The following NUF2 variants were observed in gnomAD, a reference collection of about 807,000 sequenced individuals.
NUF2 encodes the protein kinetochore protein Nuf2.
NUF2 carries 34 observed loss-of-function variants against 61.8 expected under a neutral mutation model. That is an observed-to-expected ratio of 0.55 (90% CI 0.42 to 0.73). The LOEUF (loss-of-function observed/expected upper bound fraction) is 0.73, where lower values mean the gene tolerates loss of function less well. Among genes scored for constraint, NUF2 ranks in the 30% least tolerant of loss-of-function variants. The pLI is 0.00. For missense variants in NUF2, 445 were observed against 539.1 expected, an observed-to-expected ratio of 0.83 and a Z score of 1.73; for synonymous variants, 172 against 181.6, an observed-to-expected ratio of 0.95 and a Z score of 0.42.
intron 11 of NUF2, 47 bp downstream of exon 11, chr1:163,345,865 C>CTATA (rs767691456): frequency 7.6e-7 from 1 of 1,307,524 alleles, no homozygotes; most frequent in Admixed American, 2.4e-5. Context: ...TAACAGCTTA[C>CTATA]TATAGTTCCT....
intron 5 of NUF2, among the ~76,000 whole-genome samples, chr1:163,331,886 C>T (rs773588207): frequency 7.3e-5 from 11 of 151,668 alleles, no homozygotes; most frequent in Non-Finnish European, 1.5e-4. Context: ...TTTTCCTAAC[C>T]AGTCTGGTTA....
chr1:163,350,364 T>C (rs1301481172), intron 13 of NUF2, among the ~76,000 whole-genome samples: 1 of 151,898 alleles, frequency 6.6e-6, no homozygotes, highest in Non-Finnish European at 1.5e-5. Context: ...ATCAAATCAA[T>C]AAATATTTAT....
At chr1:163,332,359 C>G (rs896262979) in intron 5 of NUF2, among the ~76,000 whole-genome samples, 3 of 152,004 alleles carry the variant, frequency 2.0e-5, no homozygotes, top group African/African-American at 7.2e-5. Flanking sequence ...TCATTTGAAT[C>G]CATTTAAATG....
At chr1:163,330,576 C>T (rs1046926029) in intron 5 of NUF2, among the ~76,000 whole-genome samples, 3 of 151,920 alleles carry the variant, frequency 2.0e-5, no homozygotes, top group Non-Finnish European at 4.4e-5. Context: ...TTAGTATTTC[C>T]AGCTTGTCAC....
At chr1:163,350,522 T>C (rs1262368168) in intron 13 of NUF2, among the ~76,000 whole-genome samples, 1 of 152,218 alleles carries the variant, frequency 6.6e-6, no homozygotes, top group Non-Finnish European at 1.5e-5. Flanking sequence ...TATGCATATA[T>C]GTCTTGCCAG....
At chr1:163,335,799 A>G (rs554748640) in intron 5 of NUF2, among the ~76,000 whole-genome samples, 1 of 151,894 alleles carries the variant, frequency 6.6e-6, no homozygotes, top group East Asian at 1.9e-4. Flanking sequence ...TTCTCTCTGG[A>G]CTTTATTTTA....
intron 4 of NUF2, 157 bp from the exon 5 acceptor site, chr1:163,328,689 A>G (rs968544423): frequency 1.1e-5 from 6 of 565,618 alleles, no homozygotes; most frequent in Admixed American, 3.4e-5. Flanking sequence ...TTTCAGTGCT[A>G]TAGGGTTATA....
At chr1:163,347,729 T>A (rs766230300) in intron 11 of NUF2, 34 bp from the exon 12 acceptor site, 5 of 1,299,332 alleles carry the variant, frequency 3.8e-6, no homozygotes, top group Admixed American at 2.7e-5. Context: ...CCTAATTGGT[T>A]ATGTTGACTT....
chr1:163,337,397 A>G (rs1020022003), intron 6 of NUF2, among the ~76,000 whole-genome samples: 1 of 152,058 alleles, frequency 6.6e-6, no homozygotes, highest in African/African-American at 2.4e-5. Flanking sequence ...GTCTTCAATA[A>G]TGGGGTACCA....
intron 9 of NUF2, among the ~76,000 whole-genome samples, chr1:163,343,167 G>C (rs12759542): frequency 0.13 from 19,969 of 152,170 alleles, 1,627 homozygotes; most frequent in Non-Finnish European, 0.17. Flanking sequence ...CATGTAGTGA[G>C]CACCTTCTCA....
At chr1:163,343,124 T>G (rs913100971) in intron 9 of NUF2, among the ~76,000 whole-genome samples, 13 of 152,162 alleles carry the variant, frequency 8.5e-5, no homozygotes, top group South Asian at 4.1e-4. Context: ...TTTTTGAAAT[T>G]CAGGAGAAGG....
chr1:163,353,383 A>G (rs1378662740), intron 13 of NUF2, among the ~76,000 whole-genome samples: 2 of 152,230 alleles, frequency 1.3e-5, no homozygotes, highest in Non-Finnish European at 2.9e-5. Context: ...ACACTGTCCA[A>G]CAGAACTTTC....
intron 9 of NUF2, among the ~76,000 whole-genome samples, chr1:163,341,460 G>A (rs7540765): frequency 0.17 from 25,689 of 151,874 alleles, 2,268 homozygotes; most frequent in Non-Finnish European, 0.19. Context: ...CACCCGCCTT[G>A]GCCTCTCAAA....
At chr1:163,327,098 T>A (rs1186354524) in intron 2 of NUF2, among the ~76,000 whole-genome samples, 6 of 33,300 alleles carry the variant, frequency 1.8e-4, no homozygotes, top group African/African-American at 2.7e-4. Context: ...TTTCCTGTGT[T>A]CACACACACA....
At position 163,338,178 on chromosome 1, in the gene NUF2, A is replaced by G. The variant is rs1400405254; in HGVS notation, c.509+85A>G. ...GTAGTATTTTACAACCCTATATTCC[A>G]CCTTAAGTCTCTTTTATCTCCCTTA... is the stretch of plus-strand genomic sequence containing the variant. On this transcript the variant is annotated intron_variant, in intron 7 of 13. Coordinates refer to ENST00000271452, the MANE Select transcript of NUF2 (RefSeq NM_145697.3). 29 of 920,760 alleles carry G rather than the reference A, an allele frequency of 3.1e-5. 1 individual carries two copies. The South Asian group carries it at 4.2e-4, about 13-fold the overall frequency. The allele number at this position is 920,760 out of a possible 1,614,324, so 57.0% of individuals were successfully genotyped here. A position where few individuals can be genotyped will look rare whatever the true frequency, so the allele number is the denominator to read the frequency against.
chr1:163,352,738 C>T (rs1466063170), intron 13 of NUF2, among the ~76,000 whole-genome samples: 3 of 152,054 alleles, frequency 2.0e-5, no homozygotes, highest in Admixed American at 6.5e-5. Context: ...TGGTGGCGGG[C>T]GCCTGTAGTC....
At chr1:163,339,335 T>C in intron 7 of NUF2, 46 bp from the exon 8 acceptor site, 1 of 1,190,774 alleles carries the variant, frequency 8.4e-7, no homozygotes, top group Non-Finnish European at 1.2e-6. Context: ...CATTTTAGCC[T>C]TTCAAAAGTG....
intron 5 of NUF2, among the ~76,000 whole-genome samples, chr1:163,334,919 A>T (rs975530937): frequency 4.6e-5 from 7 of 152,066 alleles, no homozygotes; most frequent in Non-Finnish European, 4.4e-5. Flanking sequence ...GGCTGACTGT[A>T]CTATGCCATT....
chr1:163,339,187 G>A (rs777445821), intron 7 of NUF2, 194 bp from the exon 8 acceptor site: 19 of 525,422 alleles, frequency 3.6e-5, no homozygotes, highest in Non-Finnish European at 6.1e-5. Flanking sequence ...AAAACTGAAG[G>A]AGCTCATGTG....
Sources: allele counts gnomAD v4.1 joint callset (sites outside exome capture counted in the v4.1 genomes callset), GRCh38; gene constraint gnomAD v4.1.1; transcripts MANE v1.5; gene names NCBI Gene and HGNC (gene_info 2026-07-23, HGNC 2026-07-21).